Variants in ARL15 observed in about 807,000 individuals in gnomAD.
ARL15 encodes ADP-ribosylation factor-like protein 15.
ARL15 carries 19 observed loss-of-function variants against 25.2 expected under a neutral mutation model. That is an observed-to-expected ratio of 0.75 (90% CI 0.53 to 1.10). ARL15 has a LOEUF of 1.10. Ranked by LOEUF, ARL15 falls within the 50% of genes least tolerant of loss-of-function variation. ARL15 has a pLI of 0.00. For missense variants in ARL15, 220 were observed against 246.0 expected (o/e 0.89, Z 0.71); for synonymous variants, 94 against 86.8 (o/e 1.08, Z -0.46).
Position 54,168,293 on chromosome 5 carries a change from C to T in ARL15, c.193+3491G>A, listed in dbSNP as rs566308248. ...TCTCAAATCTCTCTAGTCTGCTTGG[C>T]TTTTAGCATTTGGATCACTGTTGGA... On this transcript the variant is annotated intron_variant, in intron 2 of 4. Transcript: ENST00000504924. 2.1e-4 allele frequency among the ~76,000 whole-genome samples: 32 copies of T among 152,180 alleles called. No individual in the cohort carries two copies. In the South Asian group the frequency reaches 4.8e-3, roughly 23 times the overall value.
intron 1 of ARL15, among the ~76,000 whole-genome samples, chr5:54,210,687 T>C (rs1437447534): frequency 6.6e-6 from 1 of 152,216 alleles, no homozygotes; most frequent in Non-Finnish European, 1.5e-5. Context: ...GTTGCAGTTG[T>C]TGCTGCTGTT....
At chr5:54,030,553 GACAT>G (rs1208823249) in intron 4 of ARL15, among the ~76,000 whole-genome samples, 1 of 152,182 alleles carries the variant, frequency 6.6e-6, no homozygotes, top group African/African-American at 2.4e-5. Flanking sequence ...GTTGAAGCCA[GACAT>G]ACAAAGATCT....
At chr5:54,018,035 C>T (rs368727265) in intron 4 of ARL15, among the ~76,000 whole-genome samples, 1 of 151,790 alleles carries the variant, frequency 6.6e-6, no homozygotes, top group East Asian at 1.9e-4. Context: ...ACCGAAATAC[C>T]CATATAATCA....
intron 2 of ARL15, among the ~76,000 whole-genome samples, chr5:54,160,219 C>T (rs887216192): frequency 2.8e-4 from 43 of 152,194 alleles, no homozygotes; most frequent in Admixed American, 2.6e-3. Flanking sequence ...AATGTACTGG[C>T]ATTTATAAAA....
chr5:53,941,343 G>T (rs532748472), intron 4 of ARL15, among the ~76,000 whole-genome samples: 90 of 152,288 alleles, frequency 5.9e-4, no homozygotes, highest in Middle Eastern at 3.4e-3. Context: ...AGAACAGAAT[G>T]AAACAGATAA....
In ARL15 at chr5:54,249,927, T is replaced by A. The variant is rs190848282; in HGVS notation, c.48+60505A>T. Among the ~76,000 whole-genome samples, 8 of 152,320 alleles carry A rather than the reference T, an allele frequency of 5.3e-5. No individual in the cohort carries two copies. In the East Asian group the frequency reaches 1.5e-3, roughly 29 times the overall value. On this transcript the variant is annotated intron_variant, in intron 1 of 4. Transcript: ENST00000504924. The stretch of plus-strand genomic sequence containing the variant: ...TGCATCTCAAGGGTCCTGTGGAGAA[T>A]ATATTCAATGACTGGTCATAGGGTG...
chr5:54,190,807 C>A (rs1485040911), intron 1 of ARL15, among the ~76,000 whole-genome samples: 1 of 152,106 alleles, frequency 6.6e-6, no homozygotes, highest in African/African-American at 2.4e-5. Context: ...TGGAAAATAA[C>A]AAGTGTTGGC....
At chr5:54,284,379 A>G (rs1758137370) in intron 1 of ARL15, among the ~76,000 whole-genome samples, 1 of 152,222 alleles carries the variant, frequency 6.6e-6, no homozygotes. Flanking sequence ...TGCTGGGATT[A>G]TAGGCATGAG....
intron 1 of ARL15, among the ~76,000 whole-genome samples, chr5:54,215,123 T>C (rs746796151): frequency 6.6e-6 from 1 of 152,166 alleles, no homozygotes; most frequent in Non-Finnish European, 1.5e-5. Flanking sequence ...CCCTAATCAA[T>C]ACTGCTCCTA....
chr5:54,023,186 T>G (rs1017294124), intron 4 of ARL15, among the ~76,000 whole-genome samples: 1 of 152,120 alleles, frequency 6.6e-6, no homozygotes, highest in East Asian at 1.9e-4. Context: ...TAGAGAGAGA[T>G]AATAATTTTT....
At chr5:54,023,533 G>A (rs1749682184) in intron 4 of ARL15, among the ~76,000 whole-genome samples, 1 of 147,422 alleles carries the variant, frequency 6.8e-6, no homozygotes, top group Non-Finnish European at 1.5e-5. Context: ...CTACACATGT[G>A]AAAAAAAAAA....
At chr5:54,017,026 C>T (rs918921802) in intron 4 of ARL15, among the ~76,000 whole-genome samples, 4 of 152,158 alleles carry the variant, frequency 2.6e-5, no homozygotes, top group Admixed American at 6.5e-5. Context: ...AATCGTGGTG[C>T]GTCCTCTACT....
chr5:54,060,332 G>C, intron 4 of ARL15, among the ~76,000 whole-genome samples: 1 of 152,126 alleles, frequency 6.6e-6, no homozygotes, highest in Admixed American at 6.6e-5. Flanking sequence ...AGGAGGCTGA[G>C]GCAGGAGAAT....
chr5:54,102,018 TG>T (rs1752451950), intron 4 of ARL15, among the ~76,000 whole-genome samples: 2 of 32,378 alleles, frequency 6.2e-5, no homozygotes, highest in Admixed American at 4.0e-4. Flanking sequence ...TTTTTTGTTT[TG>T]TTTTTTTTTT....
chr5:54,055,198 C>G (rs1039439264), intron 4 of ARL15, among the ~76,000 whole-genome samples: 2 of 152,120 alleles, frequency 1.3e-5, no homozygotes, highest in Non-Finnish European at 2.9e-5. Context: ...CACCAATTTA[C>G]TTTTTGTGTC....
At chr5:54,240,354 A>C (rs1400228382) in intron 1 of ARL15, among the ~76,000 whole-genome samples, 1 of 152,062 alleles carries the variant, frequency 6.6e-6, no homozygotes. Context: ...AAATTAAAAA[A>C]TATTTTCCAC....
intron 4 of ARL15, among the ~76,000 whole-genome samples, chr5:54,112,537 A>G (rs1366840581): frequency 6.6e-6 from 1 of 152,218 alleles, no homozygotes; most frequent in Non-Finnish European, 1.5e-5. Context: ...AATTCACTAT[A>G]ATTTAAGTTT....
At chr5:54,127,836 A>T in intron 3 of ARL15, among the ~76,000 whole-genome samples, 1 of 151,618 alleles carries the variant, frequency 6.6e-6, no homozygotes, top group Non-Finnish European at 1.5e-5. Context: ...GATCAATGGA[A>T]CAGAACAGAG....
At chr5:54,179,932 C>T (rs1235287325) in intron 1 of ARL15, among the ~76,000 whole-genome samples, 5 of 150,000 alleles carry the variant, frequency 3.3e-5, no homozygotes, top group African/African-American at 4.9e-5. Flanking sequence ...GCAGGAGAAT[C>T]GCTTAAACCT....
Sources: gnomAD v4.1 joint callset for allele counts (sites outside exome capture counted in the v4.1 genomes callset) on GRCh38, gnomAD v4.1.1 for gene constraint, MANE v1.5 for transcripts, NCBI Gene and HGNC (gene_info 2026-07-23, HGNC 2026-07-21) for gene names.